Variants in ROBO2 observed in about 807,000 individuals in gnomAD.
The protein encoded by ROBO2 is roundabout homolog 2.
In ROBO2, 53 loss-of-function variants were observed where a neutral mutation model predicts 160.8. The ratio of observed to expected loss-of-function variants is 0.33; its 90% CI spans 0.26 to 0.41. The LOEUF (loss-of-function observed/expected upper bound fraction) is 0.41, where lower values mean the gene tolerates loss of function less well. Ranked by LOEUF, ROBO2 falls within the 10% of genes least tolerant of loss-of-function variation. ROBO2 has a pLI of 1.00. For missense variants in ROBO2, 1,577 were observed against 1,722.4 expected (o/e 0.92, Z 1.49); for synonymous variants, 664 against 611.7 (o/e 1.09, Z -1.26).
chr3:76,367,294 A>G (rs2108448081), intron 2 of ROBO2, among the ~76,000 whole-genome samples: 1 of 152,188 alleles, frequency 6.6e-6, no homozygotes, highest in South Asian at 2.1e-4. Flanking sequence ...AGATGTTTAC[A>G]AAACTCATGC....
intron 2 of ROBO2, among the ~76,000 whole-genome samples, chr3:76,513,166 G>GT (rs1301372799): frequency 6.6e-6 from 1 of 152,078 alleles, no homozygotes; most frequent in East Asian, 1.9e-4. Context: ...ATAAGCCATT[G>GT]TAAGAGCTAT....
intron 2 of ROBO2, among the ~76,000 whole-genome samples, chr3:75,975,010 GAACTATAATA>G (rs1480973430): frequency 1.3e-5 from 2 of 151,112 alleles, no homozygotes; most frequent in Non-Finnish European, 3.0e-5. Context: ...CAAGTAAAAT[GAACTATAATA>G]ATCTTTTTCA....
At chr3:76,250,242 C>T (rs1048770893) in intron 2 of ROBO2, among the ~76,000 whole-genome samples, 3 of 151,930 alleles carry the variant, frequency 2.0e-5, no homozygotes, top group African/African-American at 7.3e-5. Context: ...AGTCTATAAC[C>T]CAGAATATTA....
At chr3:76,904,158 A>G (rs1266035213) in intron 2 of ROBO2, among the ~76,000 whole-genome samples, 1 of 152,154 alleles carries the variant, frequency 6.6e-6, no homozygotes, top group African/African-American at 2.4e-5. Context: ...GATTCATTTT[A>G]ACTATTTTTA....
chr3:75,939,715 A>C (rs80196579), intron 2 of ROBO2, among the ~76,000 whole-genome samples: 1 of 151,956 alleles, frequency 6.6e-6, no homozygotes, highest in African/African-American at 2.4e-5. Context: ...CCCAAGCTGC[A>C]TATCATCATT....
Position 76,318,235 on chromosome 3 carries a change from T to C in ROBO2, c.109+380633T>C, listed in dbSNP as rs893570075. On this transcript the variant is annotated intron_variant, in intron 2 of 26. Transcript: ENST00000487694. The stretch of plus-strand genomic sequence containing the variant: ...CTTACAAATAGACTAAGCACTCTTA[T>C]CAAAAGTGGGGAAAACTACTGCCTA... Among the ~76,000 whole-genome samples, 3 of 152,130 alleles carry C rather than the reference T, an allele frequency of 2.0e-5. No individual in the cohort carries two copies. The East Asian group carries it at 5.8e-4, about 29-fold the overall frequency.
chr3:76,436,220 CTTTAAG>C (rs929547504), intron 2 of ROBO2, among the ~76,000 whole-genome samples: 2 of 118,832 alleles, frequency 1.7e-5, no homozygotes, highest in African/African-American at 3.1e-5. Flanking sequence ...TATTATTATA[CTTTAAG>C]TTTTAGGGTA....
intron 20 of ROBO2, chr3:77,604,107 C>T (rs1312466281): frequency 6.6e-6 from 1 of 152,048 alleles, no homozygotes; most frequent in African/African-American, 2.4e-5. Context: ...TGTTAATGCT[C>T]CCTCTTCCCT....
At chr3:76,101,795 C>T (rs1361813755) in intron 2 of ROBO2, among the ~76,000 whole-genome samples, 2 of 148,646 alleles carry the variant, frequency 1.3e-5, no homozygotes, top group African/African-American at 2.5e-5. Context: ...TGATGTTCCC[C>T]TTCCTGTGTC....
intron 2 of ROBO2, among the ~76,000 whole-genome samples, chr3:76,797,509 A>G (rs1044258962): frequency 1.3e-5 from 2 of 151,996 alleles, no homozygotes; most frequent in Non-Finnish European, 2.9e-5. Context: ...TAAACAACCT[A>G]ACATCATAAG....
chr3:76,474,879 C>T (rs9846061), intron 2 of ROBO2, among the ~76,000 whole-genome samples: 7,810 of 152,144 alleles, frequency 0.051, 649 homozygotes, highest in African/African-American at 0.17. Context: ...CTGCTCCATG[C>T]TGCTCTCGTC....
chr3:77,456,768 A>G, intron 2 of ROBO2, among the ~76,000 whole-genome samples: 1 of 152,184 alleles, frequency 6.6e-6, no homozygotes, highest in East Asian at 1.9e-4. Flanking sequence ...TCTCAGTAGA[A>G]TATATTCTTA....
intron 17 of ROBO2, among the ~76,000 whole-genome samples, chr3:77,589,836 GAATT>G (rs1210699173): frequency 4.7e-4 from 72 of 152,190 alleles, no homozygotes; most frequent in African/African-American, 1.7e-3. Flanking sequence ...ACACTTTCTA[GAATT>G]AATAAGGGAG....
intron 2 of ROBO2, among the ~76,000 whole-genome samples, chr3:76,968,641 C>T (rs981004166): frequency 6.6e-6 from 1 of 152,100 alleles, no homozygotes; most frequent in Non-Finnish European, 1.5e-5. Flanking sequence ...GTTCTACTAG[C>T]TTCGTGAAGG....
chr3:76,507,415 G>A (rs898000541), intron 2 of ROBO2, among the ~76,000 whole-genome samples: 22 of 151,870 alleles, frequency 1.4e-4, no homozygotes, highest in South Asian at 6.2e-4. Context: ...TAAGAAAAAC[G>A]TTTATTAATA....
chr3:75,911,128 G>A (rs1946562730), intron 1 of ROBO2, among the ~76,000 whole-genome samples: 1 of 151,996 alleles, frequency 6.6e-6, no homozygotes, highest in Non-Finnish European at 1.5e-5. Flanking sequence ...TTCAAAATTT[G>A]CAACCAAATA....
chr3:77,617,793 C>G lies in ROBO2; in HGVS notation c.3554+20C>G. On this transcript the variant is annotated intron_variant, in intron 22 of 25. Transcript: ENST00000461745. ...AACATGGTAAATATCTTCATTAAGT[C>G]AAGAGACCCATGCTTTCAACACATG... 1 of 1,610,614 alleles carries G rather than the reference C, an allele frequency of 6.2e-7. No homozygotes were observed. Among genetic ancestry groups the G allele is most frequent in the Non-Finnish European group, 8.5e-7 (1 of 1,179,816 alleles).
At chr3:77,076,381 CAT>C (rs1370505353) in intron 1 of ROBO2, among the ~76,000 whole-genome samples, 2 of 152,086 alleles carry the variant, frequency 1.3e-5, no homozygotes, top group Non-Finnish European at 2.9e-5. Flanking sequence ...GGGGAAGGAA[CAT>C]ATTTTAGCAT....
intron 21 of ROBO2, among the ~76,000 whole-genome samples, chr3:77,614,153 G>A (rs1652518213): frequency 6.6e-6 from 1 of 152,188 alleles, no homozygotes; most frequent in Non-Finnish European, 1.5e-5. Flanking sequence ...TTCTTATTCA[G>A]ACCATTCTGA....
Sources: gnomAD v4.1 joint callset for allele counts (sites outside exome capture counted in the v4.1 genomes callset) on GRCh38, gnomAD v4.1.1 for gene constraint, MANE v1.5 for transcripts, NCBI Gene and HGNC (gene_info 2026-07-23, HGNC 2026-07-21) for gene names.